Variants in ABCC9 observed in about 807,000 individuals in gnomAD.
ABCC9 encodes the protein ATP-binding cassette sub-family C member 9.
A neutral mutation model predicts 188.3 loss-of-function variants in ABCC9; 95 were observed. That is an observed-to-expected ratio of 0.50 (90% CI 0.43 to 0.60). The LOEUF (loss-of-function observed/expected upper bound fraction) is 0.60. ABCC9 is among the 20% of genes least tolerant of loss of function. ABCC9 has a pLI of 0.00. For missense variants in ABCC9, 1,102 were observed against 1,876.3 expected (o/e 0.59, Z 7.62); for synonymous variants, 659 against 652.7 (o/e 1.01, Z -0.15).
chr12:21,933,267 T>C (rs1168525637), intron 4 of ABCC9, among the ~76,000 whole-genome samples: 1 of 151,886 alleles, frequency 6.6e-6, no homozygotes, highest in Non-Finnish European at 1.5e-5. Flanking sequence ...GAAAAACAAC[T>C]AATGGGTACT....
intron 8 of ABCC9, among the ~76,000 whole-genome samples, chr12:21,911,419 A>C (rs1948318055): frequency 6.6e-6 from 1 of 151,934 alleles, no homozygotes; most frequent in Non-Finnish European, 1.5e-5. Flanking sequence ...ATTCTCAGAT[A>C]TCTTAATTTA....
Position 21,910,311 on chromosome 12 carries a change from GCCT to G in ABCC9, c.1165-2_1165del. 1 of 1,560,172 alleles carries G rather than the reference GCCT, an allele frequency of 6.4e-7. No individual in the cohort carries two copies. Among genetic ancestry groups the G allele is most frequent in the Admixed American group, 1.9e-5 (1 of 52,288 alleles). ...CCTAAGGATTTTATTATAAATCATG[GCCT>G]ACCAAAAAAAAAAAAAAGAGTACAT... On this transcript the variant is annotated splice_acceptor_variant and coding_sequence_variant, in exon 10 of 40. Coordinates refer to ENST00000261200, the MANE Select transcript of ABCC9 (RefSeq NM_020297.4). LOFTEE classifies it high-confidence loss of function.
chr12:21,929,864 A>G (rs1949204429), intron 4 of ABCC9, among the ~76,000 whole-genome samples: 1 of 152,168 alleles, frequency 6.6e-6, no homozygotes, highest in Admixed American at 6.5e-5. Flanking sequence ...TTTAAGTTCT[A>G]GGGTACATGT....
Position 21,864,491 on chromosome 12 carries a change from A to C in ABCC9, c.2199-14T>G. ...GATTCATTTACACTGCAAGTATGGCAAACAATGTTCATTAATTATGAAGTA... is the reference window on the plus strand; with the variant it reads ...GATTCATTTACACTGCAAGTATGGCCAACAATGTTCATTAATTATGAAGTA... On this transcript the variant is annotated splice_polypyrimidine_tract_variant and intron_variant, in intron 18 of 39. Transcript: ENST00000261200. The C allele has an allele frequency of 6.4e-7, 1 of 1,566,734 alleles. No individual in the cohort carries two copies. The highest frequency in any genetic ancestry group is 1.1e-5 in the South Asian group (1 of 90,122).
chr12:21,878,639 G>A (rs954233751), intron 16 of ABCC9, among the ~76,000 whole-genome samples: 6 of 152,142 alleles, frequency 3.9e-5, no homozygotes, highest in African/African-American at 1.2e-4. Flanking sequence ...GTGATTATGA[G>A]GTCCTCTGAT....
chr12:21,804,870 A>T (rs1661279595), intron 39 of ABCC9, among the ~76,000 whole-genome samples: 1 of 152,244 alleles, frequency 6.6e-6, no homozygotes, highest in African/African-American at 2.4e-5. Flanking sequence ...ATTTTTATGG[A>T]TGCTTACAAA....
chr12:21,913,169 T>C (rs184085433), intron 7 of ABCC9, 103 bp from the exon 8 acceptor site: 2 of 1,026,260 alleles, frequency 1.9e-6, no homozygotes, highest in Admixed American at 5.2e-5. Flanking sequence ...ACTTCAAAAA[T>C]ACTTTAAGGG....
At chr12:21,818,273 T>A (rs755728020) in intron 31 of ABCC9, 22 bp from the exon 32 acceptor site, 2 of 1,597,846 alleles carry the variant, frequency 1.3e-6, no homozygotes, top group African/African-American at 2.7e-5. Context: ...CAAGAGAAAA[T>A]GTTAAAAGGT....
At chr12:21,889,518 A>G (rs1215878708) in intron 14 of ABCC9, among the ~76,000 whole-genome samples, 2 of 152,326 alleles carry the variant, frequency 1.3e-5, no homozygotes, top group East Asian at 3.9e-4. Flanking sequence ...AAAGTGGAGA[A>G]GCCAGTCTCA....
In ABCC9 at chr12:21,828,958, C is replaced by T. The variant is rs146942382; in HGVS notation, c.3669G>A (p.Thr1223=). ...TTTCGAAATCATGAAATGAACGTAC[C>T]GTCCTGACCTCCAGCCATCTGTTGG... ...SAANRWLEVR[T]DYLGACIVLT... is the part of the protein sequence containing the mutation. The change falls in exon 31 of 40, where the codon ACG becomes ACA. Residue 1223 remains threonine, a splice_region_variant and synonymous_variant. Coordinates refer to ENST00000261200, the MANE Select transcript of ABCC9 (RefSeq NM_020297.4). The T allele has an allele frequency of 1.8e-4, 287 of 1,612,264 alleles. No individual in the cohort carries two copies. Among genetic ancestry groups the T allele is most frequent in the Non-Finnish European group, 2.3e-4 (266 of 1,178,522 alleles).
At chr12:21,864,513 A>G (rs1277058329) in intron 18 of ABCC9, 36 bp from the exon 19 acceptor site, 4 of 1,475,446 alleles carry the variant, frequency 2.7e-6, no homozygotes, top group Non-Finnish European at 3.8e-6. Context: ...TTAATTATGA[A>G]GTAGAAATAT....
intron 16 of ABCC9, among the ~76,000 whole-genome samples, chr12:21,881,176 A>G (rs1036707258): frequency 5.3e-5 from 8 of 152,182 alleles, no homozygotes; most frequent in African/African-American, 1.9e-4. Flanking sequence ...TCAGGGAAAA[A>G]TATAAGAAGA....
chr12:21,830,935 T>A (rs1240210776), intron 30 of ABCC9: 1 of 152,122 alleles, frequency 6.6e-6, no homozygotes, highest in East Asian at 1.9e-4. Flanking sequence ...TTCAAAGGGT[T>A]ATAGGATTTA....
rs773424178 is a variant in ABCC9, at chr12:21,801,201, A to G, written c.4513-20T>C. 8 of 1,613,432 alleles carry G rather than the reference A, an allele frequency of 5.0e-6. No individual in the cohort carries two copies. In the African/African-American group the frequency reaches 8.0e-5, roughly 16 times the overall value. On this transcript the variant is annotated intron_variant, in intron 39 of 39. Transcript: ENST00000261200. The stretch of plus-strand genomic sequence containing the variant: ...TCGATGCTGTGAGTGAAAAGAAAAC[A>G]TGTATTTGTTACACATTTCAGGGCA...
At chr12:21,918,734 T>G (rs1412486957) in intron 5 of ABCC9, among the ~76,000 whole-genome samples, 1 of 152,110 alleles carries the variant, frequency 6.6e-6, no homozygotes, top group African/African-American at 2.4e-5. Flanking sequence ...CTGGGTCTGC[T>G]GGCTCAATAA....
chr12:21,919,634 C>T (rs1248345237), intron 5 of ABCC9, among the ~76,000 whole-genome samples: 1 of 151,706 alleles, frequency 6.6e-6, no homozygotes, highest in African/African-American at 2.4e-5. Flanking sequence ...AATTTTAAAT[C>T]CTCCCTTAGC....
chr12:21,859,839 T>G (rs1282900315), intron 21 of ABCC9, among the ~76,000 whole-genome samples, 173 bp from the exon 22 acceptor site: 1 of 152,172 alleles, frequency 6.6e-6, no homozygotes, highest in Non-Finnish European at 1.5e-5. Flanking sequence ...TGGCCAACAG[T>G]TCTCAAAATA....
At chr12:21,831,458 TG>T (rs1411415976) in intron 30 of ABCC9, among the ~76,000 whole-genome samples, 1 of 152,108 alleles carries the variant, frequency 6.6e-6, no homozygotes, top group Non-Finnish European at 1.5e-5. Context: ...AAGGGTCAAC[TG>T]TCTAGTGAAG....
At chr12:21,842,761 C>G (rs561260326) in intron 28 of ABCC9, among the ~76,000 whole-genome samples, 1 of 152,230 alleles carries the variant, frequency 6.6e-6, no homozygotes, top group Admixed American at 6.5e-5. Context: ...GTTTACTGAG[C>G]AAGACAGACT....
Sources: allele counts gnomAD v4.1 joint callset (sites outside exome capture counted in the v4.1 genomes callset), GRCh38; gene constraint gnomAD v4.1.1; transcripts MANE v1.5; gene names NCBI Gene and HGNC (gene_info 2026-07-23, HGNC 2026-07-21).